Variants in DOCK8 observed in about 807,000 individuals in gnomAD.
DOCK8 encodes dedicator of cytokinesis 8, also known as dedicator of cytokinesis protein 8.
Under a neutral mutation model 245.6 loss-of-function variants are expected in DOCK8, and 141 were observed. The observed-to-expected ratio is 0.57, with a 90% confidence interval of 0.50 to 0.66. The LOEUF (loss-of-function observed/expected upper bound fraction) is 0.66. DOCK8 is among the 30% of genes least tolerant of loss of function. The probability of loss-of-function intolerance (pLI) is 0.00; values close to 1 mark genes in which losing one functional copy is unlikely to be tolerated. For synonymous variants in DOCK8, 1,168 were observed against 970.2 expected, an observed-to-expected ratio of 1.20 and a Z score of -3.79; for missense variants, 2,965 against 2,603.4, an observed-to-expected ratio of 1.14 and a Z score of -3.02.
At position 276,872 on chromosome 9, in the gene DOCK8, A is replaced by C. The variant is rs1350490997; in HGVS notation, c.156+5143A>C. On this transcript the variant is annotated intron_variant, in intron 2 of 47. Transcript: ENST00000432829. The stretch of plus-strand genomic sequence containing the variant: ...CGCCCAGGCTGGAGTGCAGTGGTAC[A>C]ATCTTGGCTCACTACAACCTCCGCC... 11 of 204,712 alleles carry C rather than the reference A, an allele frequency of 5.4e-5. No homozygotes were observed. The East Asian group carries it at 1.4e-3, about 26-fold the overall frequency. The allele number at this position is 204,712 out of a possible 1,614,324, so 12.7% of individuals were successfully genotyped here. A position where few individuals can be genotyped will look rare whatever the true frequency, so the allele number is the denominator to read the frequency against.
chr9:403,854 CTG>C (rs1255043285), intron 26 of DOCK8, among the ~76,000 whole-genome samples: 19 of 108,864 alleles, frequency 1.7e-4, no homozygotes, highest in African/African-American at 4.8e-4. Context: ...GAGCAAGACT[CTG>C]TATCTCTCTC....
At position 463,415 on chromosome 9, in the gene DOCK8, G is replaced by C. The variant is rs2057866986; in HGVS notation, c.6069-102G>C. The C allele has an allele frequency of 2.1e-6, 3 of 1,453,842 alleles. No homozygotes were observed. The East Asian group carries it at 6.8e-5, about 33-fold the overall frequency. The allele number at this position is 1,453,842 out of a possible 1,614,324, so 90.1% of individuals were successfully genotyped here. ...CCGATATGCCACCCAGTTTGAAAAC[G>C]TTCTTAAAGTTATTCGAAAAATCGT... On this transcript the variant is annotated intron_variant, in intron 46 of 47. Coordinates refer to ENST00000432829, the MANE Select transcript of DOCK8 (RefSeq NM_203447.4).
intron 28 of DOCK8, among the ~76,000 whole-genome samples, chr9:408,897 C>T (rs759519524): frequency 1.1e-4 from 13 of 118,518 alleles, no homozygotes; most frequent in Non-Finnish European, 1.5e-4. Flanking sequence ...CGCACACACG[C>T]GCGTGCACAT....
At chr9:309,249 ACT>A (rs1196019281) in intron 5 of DOCK8, among the ~76,000 whole-genome samples, 1 of 152,228 alleles carries the variant, frequency 6.6e-6, no homozygotes, top group African/African-American at 2.4e-5. Context: ...TTTTCCTTAA[ACT>A]CTTATAAATT....
chr9:458,656 AAAAAAAATT>A (rs2057713674), intron 46 of DOCK8, among the ~76,000 whole-genome samples: 2 of 151,806 alleles, frequency 1.3e-5, no homozygotes, highest in African/African-American at 4.8e-5. Context: ...CAAAAAATAC[AAAAAAAATT>A]AACCGGGTGT....
intron 1 of DOCK8, among the ~76,000 whole-genome samples, chr9:253,592 A>C (rs929594658): frequency 6.6e-6 from 1 of 152,162 alleles, no homozygotes; most frequent in Non-Finnish European, 1.5e-5. Flanking sequence ...ATAAGACTAA[A>C]AGTTATGCTA....
At chr9:366,696 CA>C (rs2053017412) in intron 14 of DOCK8, 1 of 152,182 alleles carries the variant, frequency 6.6e-6, no homozygotes, top group African/African-American at 2.4e-5. Flanking sequence ...GAGGCATTCT[CA>C]GTGCACAGTA....
chr9:332,282 C>A, intron 9 of DOCK8, 116 bp from the exon 10 acceptor site: 1 of 711,516 alleles, frequency 1.4e-6, no homozygotes, highest in African/African-American at 1.8e-5. Flanking sequence ...ATATGTATCA[C>A]AGATAGCTTC....
chr9:304,848 T>G (rs925808889), intron 5 of DOCK8, 144 bp downstream of exon 5: 6 of 1,163,232 alleles, frequency 5.2e-6, no homozygotes, highest in Non-Finnish European at 7.4e-6. Flanking sequence ...AGTGATTTTT[T>G]TTTTCAAACT....
intron 22 of DOCK8, among the ~76,000 whole-genome samples, chr9:384,820 G>C (rs12347809): frequency 0.068 from 10,424 of 152,234 alleles, 956 homozygotes; most frequent in African/African-American, 0.21. Context: ...GGAGGCTGAG[G>C]CAGGAGAATG....
intron 6 of DOCK8, among the ~76,000 whole-genome samples, chr9:316,083 T>G (rs962040874): frequency 1.3e-5 from 2 of 152,150 alleles, no homozygotes; most frequent in Non-Finnish European, 2.9e-5. Flanking sequence ...CTTACCACAT[T>G]GATCATTCCA....
At chr9:267,966 C>T (rs2048072954) in intron 1 of DOCK8, 1 of 152,206 alleles carries the variant, frequency 6.6e-6, no homozygotes, top group South Asian at 2.1e-4. Flanking sequence ...TTTCATAGTT[C>T]TGGTTGCATA....
chr9:395,164 T>C (rs1476759562), intron 24 of DOCK8, among the ~76,000 whole-genome samples: 5 of 152,122 alleles, frequency 3.3e-5, no homozygotes. Flanking sequence ...CATGCGGCCT[T>C]GTGGGATATG....
At chr9:463,249 C>A (rs1389489023) in intron 46 of DOCK8, among the ~76,000 whole-genome samples, 1 of 145,982 alleles carries the variant, frequency 6.9e-6, no homozygotes, top group Non-Finnish European at 1.5e-5. Context: ...TAGAGTGAGC[C>A]CCGTCTCAAA....
In DOCK8 at chr9:265,972, T is replaced by C. The variant is rs114479159; in HGVS notation, c.54-5655T>C. 5.5e-3 allele frequency among the ~76,000 whole-genome samples: 835 copies of C among 152,334 alleles called. 5 individuals carry two copies. Among genetic ancestry groups the C allele is most frequent in the African/African-American group, 0.019 (795 of 41,572 alleles). On this transcript the variant is annotated intron_variant, in intron 1 of 47. Transcript: ENST00000432829. ...TCAATGAGTTTTCATTCTTTTTCTT[T>C]ATTCTTCTAGACACATATTTTATAA...
At chr9:271,545 C>G (rs2048165591) in intron 1 of DOCK8, 82 bp from the exon 2 acceptor site, 1 of 1,114,018 alleles carries the variant, frequency 9.0e-7, no homozygotes, top group Non-Finnish European at 1.3e-6. Context: ...CGTTTTATAA[C>G]ATGATATCAA....
intron 2 of DOCK8, among the ~76,000 whole-genome samples, chr9:281,420 C>T (rs1342871463): frequency 1.3e-5 from 2 of 152,202 alleles, no homozygotes; most frequent in African/African-American, 4.8e-5. Flanking sequence ...CCACATATAG[C>T]AGAACAGCAG....
intron 12 of DOCK8, 87 bp downstream of exon 12, chr9:336,805 A>G: frequency 9.2e-6 from 14 of 1,526,470 alleles, no homozygotes; most frequent in Non-Finnish European, 1.2e-5. Flanking sequence ...CGTAGTGATT[A>G]AGAGAGCAAA....
chr9:367,947 C>T (rs1329242393), intron 14 of DOCK8, 71 bp from the exon 15 acceptor site: 2 of 1,288,986 alleles, frequency 1.6e-6, no homozygotes, highest in African/African-American at 1.5e-5. Context: ...GAAGTCTCAG[C>T]ATTTGCTGAA....
Sources: gnomAD v4.1 joint callset for allele counts (sites outside exome capture counted in the v4.1 genomes callset) on GRCh38, gnomAD v4.1.1 for gene constraint, MANE v1.5 for transcripts, NCBI Gene and HGNC (gene_info 2026-07-23, HGNC 2026-07-21) for gene names.